The following CCSER1 variants were observed in gnomAD, a reference collection of about 807,000 sequenced individuals.
CCSER1 encodes the protein serine-rich coiled-coil domain-containing protein 1.
In CCSER1, 41 loss-of-function variants were observed where a neutral mutation model predicts 82.0. The observed-to-expected ratio is 0.50, with a 90% CI of 0.39 to 0.65. CCSER1 has a LOEUF of 0.65. CCSER1 is among the 30% of genes least tolerant of loss of function. CCSER1 has a pLI of 0.00. For synonymous variants in CCSER1, 414 were observed against 383.9 expected (o/e 1.08, Z -0.92); for missense variants, 1,119 against 1,064.2 (o/e 1.05, Z -0.72).
chr4:91,216,326 TTTTG>T (rs1581785991), intron 10 of CCSER1, among the ~76,000 whole-genome samples: 1 of 152,162 alleles, frequency 6.6e-6, no homozygotes, highest in African/African-American at 2.4e-5. Flanking sequence ...TATAGCATTT[TTTTG>T]TTTGTTTGAG....
At chr4:91,116,294 A>T (rs947413062) in intron 10 of CCSER1, among the ~76,000 whole-genome samples, 7 of 152,158 alleles carry the variant, frequency 4.6e-5, no homozygotes, top group African/African-American at 1.7e-4. Flanking sequence ...GAAGCTGGAA[A>T]TCCCTGGCTT....
intron 7 of CCSER1, among the ~76,000 whole-genome samples, chr4:90,739,894 C>A (rs895460994): frequency 3.9e-5 from 6 of 152,132 alleles, no homozygotes; most frequent in Non-Finnish European, 5.9e-5. Context: ...CTCTTCAGTG[C>A]CTCTTTACTC....
chr4:90,865,261 C>G (rs1765588977), intron 8 of CCSER1, among the ~76,000 whole-genome samples: 1 of 151,942 alleles, frequency 6.6e-6, no homozygotes, highest in Non-Finnish European at 1.5e-5. Flanking sequence ...AAACCAAGTG[C>G]TTTTGCTATA....
intron 1 of CCSER1, among the ~76,000 whole-genome samples, chr4:90,271,334 C>T (rs969459543): frequency 6.6e-6 from 1 of 151,992 alleles, no homozygotes; most frequent in Non-Finnish European, 1.5e-5. Flanking sequence ...GAAATAAATC[C>T]ATACATCTAT....
intron 1 of CCSER1, among the ~76,000 whole-genome samples, chr4:90,301,084 T>A (rs1733012266): frequency 6.6e-6 from 1 of 152,128 alleles, no homozygotes; most frequent in Non-Finnish European, 1.5e-5. Context: ...TCCTCCTGCT[T>A]CAGCCTCCCG....
intron 10 of CCSER1, among the ~76,000 whole-genome samples, chr4:91,519,487 C>T (rs975690076): frequency 1.3e-5 from 2 of 152,196 alleles, no homozygotes; most frequent in Non-Finnish European, 2.9e-5. Context: ...CTGGATCTAG[C>T]CCCCTTCCTC....
At chr4:91,072,278 G>A (rs1164680094) in intron 9 of CCSER1, among the ~76,000 whole-genome samples, 1 of 152,130 alleles carries the variant, frequency 6.6e-6, no homozygotes. Flanking sequence ...TGCCCATACA[G>A]TAACATTAAT....
At chr4:91,045,727 C>A (rs1490988183) in intron 9 of CCSER1, among the ~76,000 whole-genome samples, 2 of 151,858 alleles carry the variant, frequency 1.3e-5, no homozygotes, top group African/African-American at 2.4e-5. Flanking sequence ...TGGGTCTTTT[C>A]AATTTGTTTT....
chr4:90,782,447 G>A (rs1265032512), intron 7 of CCSER1, among the ~76,000 whole-genome samples: 1 of 152,082 alleles, frequency 6.6e-6, no homozygotes, highest in Non-Finnish European at 1.5e-5. Flanking sequence ...TAATAGGGAA[G>A]TGAAGAAATA....
chr4:90,723,940 TACCACGTC>T lies in CCSER1; in HGVS notation c.1962_1969del (p.Thr655SerfsTer3). The stretch of plus-strand genomic sequence containing the variant: ...GTGCAGACATGAGTCCAGCAAGCAG[TACCACGTC>T]ACTTCCTGTTAGTCCTCTTACTGAA... On this transcript the variant is annotated frameshift_variant, in exon 7 of 11. Transcript: ENST00000509176. LOFTEE classifies it high-confidence loss of function. The T allele has an allele frequency of 3.2e-6, 5 of 1,583,530 alleles. No homozygotes were observed. The highest frequency in any genetic ancestry group is 4.3e-6 in the Non-Finnish European group (5 of 1,163,164).
intron 1 of CCSER1, among the ~76,000 whole-genome samples, chr4:90,149,431 G>A (rs1046546313): frequency 5.3e-5 from 8 of 152,128 alleles, no homozygotes; most frequent in East Asian, 1.9e-4. Context: ...TGATGAAATT[G>A]TCCATTTCTA....
intron 10 of CCSER1, among the ~76,000 whole-genome samples, chr4:91,364,428 T>A (rs1042001941): frequency 2.6e-5 from 4 of 152,050 alleles, no homozygotes; most frequent in African/African-American, 9.7e-5. Context: ...AGAATTCTTC[T>A]CAATATCTGG....
chr4:91,382,936 C>T (rs973380635), intron 10 of CCSER1, among the ~76,000 whole-genome samples: 9 of 152,070 alleles, frequency 5.9e-5, no homozygotes, highest in African/African-American at 9.6e-5. Context: ...CCATCAATAT[C>T]GAGGCAGGAC....
At chr4:91,381,455 CTT>C (rs574354874) in intron 10 of CCSER1, among the ~76,000 whole-genome samples, 2 of 152,040 alleles carry the variant, frequency 1.3e-5, no homozygotes, top group African/African-American at 2.4e-5. Flanking sequence ...TATTTTTACT[CTT>C]TTTTCTGTAA....
intron 8 of CCSER1, among the ~76,000 whole-genome samples, chr4:90,883,663 T>A (rs1413417806): frequency 6.6e-6 from 1 of 152,158 alleles, no homozygotes; most frequent in African/African-American, 2.4e-5. Context: ...GGCAGAGATG[T>A]AGCTTAGGAA....
At chr4:90,560,459 G>A (rs1310272348) in intron 5 of CCSER1, among the ~76,000 whole-genome samples, 1 of 152,080 alleles carries the variant, frequency 6.6e-6, no homozygotes. Context: ...AGTCCAGAAA[G>A]GGATAAACCT....
chr4:91,036,491 A>G (rs918593375), intron 9 of CCSER1, among the ~76,000 whole-genome samples: 3 of 152,100 alleles, frequency 2.0e-5, no homozygotes, highest in Admixed American at 1.3e-4. Flanking sequence ...TCCCCAAATC[A>G]GAATATTGTA....
intron 7 of CCSER1, among the ~76,000 whole-genome samples, chr4:90,750,637 C>T (rs1417468953): frequency 2.0e-5 from 3 of 151,900 alleles, no homozygotes; most frequent in Admixed American, 2.0e-4. Flanking sequence ...TACTTTCTGC[C>T]GATATAGAGA....
chr4:91,290,122 A>G lies in CCSER1; in HGVS notation c.2217+204128A>G, dbSNP rs139354126. 3.5e-3 allele frequency among the ~76,000 whole-genome samples: 527 copies of G among 152,132 alleles called. 3 individuals are homozygous for G. The highest frequency in any genetic ancestry group is 0.012 in the African/African-American group (501 of 41,554). On this transcript the variant is annotated intron_variant, in intron 10 of 10. Coordinates refer to ENST00000509176, the MANE Select transcript of CCSER1 (RefSeq NM_001145065.2). ...AGCTACAAAACATTCTATAGTCAGT[A>G]ACTATATCATCCAAAAATGGAAGGG...
Sources: gnomAD v4.1 joint callset for allele counts (sites outside exome capture counted in the v4.1 genomes callset) on GRCh38, gnomAD v4.1.1 for gene constraint, MANE v1.5 for transcripts, NCBI Gene and HGNC (gene_info 2026-07-23, HGNC 2026-07-21) for gene names.